ACVR1: variants seen among roughly 807,000 people sequenced by gnomAD.
ACVR1 encodes activin receptor type-1.
Under a neutral mutation model 57.1 loss-of-function variants are expected in ACVR1, and 38 were observed. That is an observed-to-expected ratio of 0.67 (90% CI 0.51 to 0.87). The LOEUF is 0.87. Ranked by LOEUF, ACVR1 falls within the 40% of genes least tolerant of loss-of-function variation. The pLI is 0.00. For synonymous variants in ACVR1, 212 were observed against 228.1 expected (o/e 0.93, Z 0.63); for missense variants, 463 against 638.2 (o/e 0.73, Z 2.96).
At chr2:157,832,893 C>G (rs1438473614) in intron 1 of ACVR1, among the ~76,000 whole-genome samples, 1 of 152,146 alleles carries the variant, frequency 6.6e-6, no homozygotes, top group East Asian at 1.9e-4. Flanking sequence ...AAGCAACTTA[C>G]CCGACAATTA....
intron 9 of ACVR1, among the ~76,000 whole-genome samples, chr2:157,758,408 G>T (rs1416093650): frequency 1.3e-5 from 2 of 151,800 alleles, no homozygotes; most frequent in Non-Finnish European, 2.9e-5. Flanking sequence ...CTGTATTTTT[G>T]TTGTTGTTGT....
At chr2:157,797,753 G>A (rs1177443805) in intron 3 of ACVR1, among the ~76,000 whole-genome samples, 5 of 152,206 alleles carry the variant, frequency 3.3e-5, no homozygotes, top group Non-Finnish European at 7.3e-5. Flanking sequence ...GAAATGCCTG[G>A]GTGGTGCCAC....
rs972106716 is a variant in ACVR1, at chr2:157,781,030, A to C, written c.68-430T>G. On this transcript the variant is annotated intron_variant, in intron 3 of 10. Transcript: ENST00000434821. Reference sequence around the variant, plus strand: ...AAAAAAAAGCTCCTAAATATATGGCAGCTATTAATACTAATTTTTGCTAGC... The same window carrying C: ...AAAAAAAAGCTCCTAAATATATGGCCGCTATTAATACTAATTTTTGCTAGC... Among the ~76,000 whole-genome samples, 7 of 152,310 alleles carry C rather than the reference A, an allele frequency of 4.6e-5. 1 individual carries two copies. In the Middle Eastern group the frequency reaches 0.01, roughly 222 times the overall value.
chr2:157,814,432 T>C (rs946553563), intron 2 of ACVR1, among the ~76,000 whole-genome samples: 1 of 152,256 alleles, frequency 6.6e-6, no homozygotes, highest in Non-Finnish European at 1.5e-5. Flanking sequence ...AACTGCCATT[T>C]TTTACCTATT....
At chr2:157,793,917 A>G (rs542653562) in intron 3 of ACVR1, among the ~76,000 whole-genome samples, 1 of 152,338 alleles carries the variant, frequency 6.6e-6, no homozygotes, top group South Asian at 2.1e-4. Context: ...CTTTGTAAAT[A>G]CTAAAATCAA....
rs1438612374 is a variant in ACVR1 at position 157,876,013 on chromosome 2, GGAGCTT to G, written c.-406_-401del. On this transcript the variant is annotated 5_prime_UTR_variant, in exon 1 of 11. Coordinates refer to ENST00000434821, the MANE Select transcript of ACVR1 (RefSeq NM_001111067.4). ...TGCAGCGGAGCGGTGCGTGGGGCCG[GGAGCTT>G]CCCGGCCCTGGGGCCGGCGCGGCTG... Among the ~76,000 whole-genome samples, 1 of 148,210 alleles carries G rather than the reference GGAGCTT, an allele frequency of 6.7e-6. No homozygotes were observed. The highest frequency in any genetic ancestry group is 6.7e-5 in the Admixed American group (1 of 14,944).
rs77368624 is a variant in ACVR1 at position 157,802,100 on chromosome 2, T to C, written c.-7-2600A>G. Among the ~76,000 whole-genome samples the C allele has an allele frequency of 7.1e-3, 1,085 of 152,292 alleles. 7 individuals are homozygous for C. Among genetic ancestry groups the C allele is most frequent in the Non-Finnish European group, 0.012 (830 of 68,020 alleles). ...CTGTGTTAACAAAACAACTTGAGAC[T>C]TTCTGGAGGGTGCAGAGGTTCCCTG... On this transcript the variant is annotated intron_variant, in intron 2 of 10. Transcript: ENST00000434821.
intron 2 of ACVR1, among the ~76,000 whole-genome samples, chr2:157,816,688 C>A (rs1386597988): frequency 6.6e-6 from 1 of 152,122 alleles, no homozygotes; most frequent in East Asian, 1.9e-4. Flanking sequence ...ACAGCCACAT[C>A]AGAGACTTTC....
intron 3 of ACVR1, among the ~76,000 whole-genome samples, chr2:157,791,205 A>T (rs1359326872): frequency 1.3e-5 from 2 of 151,992 alleles, no homozygotes; most frequent in East Asian, 3.9e-4. Context: ...AGCAGGAACC[A>T]CTTCTTGCTT....
At position 157,736,711 on chromosome 2, in the gene ACVR1, CATACAA is replaced by C; in HGVS notation, c.*814_*819del. ...CTGAAAAAAAGTTACAGTCTACACA[CATACAA>C]ATGTGAAGCACTTAAAATGTGATTT... is the stretch of plus-strand genomic sequence containing the variant. On this transcript the variant is annotated 3_prime_UTR_variant, in exon 11 of 11. Transcript: ENST00000434821. The C allele has an allele frequency of 3.0e-6, 1 of 338,814 alleles. No homozygotes were observed. The highest frequency in any genetic ancestry group is 5.4e-6 in the Non-Finnish European group (1 of 184,204). The allele number at this position is 338,814 out of a possible 1,614,324, so 21.0% of individuals were successfully genotyped here.
intron 1 of ACVR1, among the ~76,000 whole-genome samples, chr2:157,865,032 C>A (rs1574163914): frequency 7.1e-6 from 1 of 140,564 alleles, no homozygotes; most frequent in Admixed American, 7.3e-5. Context: ...TTAAAACAAT[C>A]AAAGTAAAGC....
At chr2:157,825,043 C>A (rs72925210) in intron 1 of ACVR1, among the ~76,000 whole-genome samples, 2 of 152,178 alleles carry the variant, frequency 1.3e-5, no homozygotes, top group Non-Finnish European at 2.9e-5. Flanking sequence ...ATTACCACGC[C>A]CAGCCACTCC....
intron 2 of ACVR1, among the ~76,000 whole-genome samples, chr2:157,818,154 A>T (rs541429725): frequency 6.6e-6 from 1 of 152,350 alleles, no homozygotes; most frequent in African/African-American, 2.4e-5. Context: ...AGATCCACCC[A>T]ACAAAGCCTA....
intron 1 of ACVR1, among the ~76,000 whole-genome samples, chr2:157,857,398 GAA>G (rs1184090040): frequency 4.4e-5 from 6 of 137,440 alleles, no homozygotes; most frequent in African/African-American, 8.0e-5. Context: ...AAACTAATTG[GAA>G]AAAAAAAAAA....
At chr2:157,838,349 A>C (rs914507236) in intron 1 of ACVR1, 1 of 151,156 alleles carries the variant, frequency 6.6e-6, no homozygotes, top group African/African-American at 2.4e-5. Flanking sequence ...GAGGTGGGGG[A>C]AAAAAAAACA....
At chr2:157,833,216 T>C (rs1559084082) in intron 1 of ACVR1, among the ~76,000 whole-genome samples, 2 of 152,168 alleles carry the variant, frequency 1.3e-5, no homozygotes, top group Admixed American at 1.3e-4. Flanking sequence ...ACCAGTAAGT[T>C]AACAAACTGT....
At chr2:157,795,555 A>C (rs1294391538) in intron 3 of ACVR1, among the ~76,000 whole-genome samples, 2 of 152,170 alleles carry the variant, frequency 1.3e-5, no homozygotes, top group African/African-American at 4.8e-5. Context: ...AATTGCAATT[A>C]AAGTATGATA....
At chr2:157,754,738 A>G (rs189294274) in intron 9 of ACVR1, among the ~76,000 whole-genome samples, 1 of 152,308 alleles carries the variant, frequency 6.6e-6, no homozygotes, top group Admixed American at 6.5e-5. Flanking sequence ...AGAAAGAGGG[A>G]ATCTTCCCTA....
chr2:157,860,876 G>C (rs1304998635), intron 1 of ACVR1, among the ~76,000 whole-genome samples: 2 of 152,144 alleles, frequency 1.3e-5, no homozygotes, highest in Non-Finnish European at 2.9e-5. Flanking sequence ...AGATCACTGG[G>C]GGATACTGCT....
Sources: allele counts gnomAD v4.1 joint callset (sites outside exome capture counted in the v4.1 genomes callset), GRCh38; gene constraint gnomAD v4.1.1; transcripts MANE v1.5; gene names NCBI Gene and HGNC (gene_info 2026-07-23, HGNC 2026-07-21).